SLC26A8: variants seen among roughly 807,000 people sequenced by gnomAD.
SLC26A8 encodes the protein solute carrier family 26 member 8.
Under a neutral mutation model 105.0 loss-of-function variants are expected in SLC26A8, and 70 were observed. The ratio of observed to expected loss-of-function variants is 0.67; its 90% confidence interval spans 0.55 to 0.81. The LOEUF is 0.81. Among genes scored for constraint, SLC26A8 ranks in the 40% least tolerant of loss-of-function variants. The pLI, the probability that SLC26A8 is intolerant of heterozygous loss-of-function variation, is 0.00. For synonymous variants in SLC26A8, 415 were observed against 438.3 expected (o/e 0.95, Z 0.66); for missense variants, 998 against 1,181.8 (o/e 0.84, Z 2.28).
At chr6:36,007,175 A>C (rs558511568) in intron 3 of SLC26A8, among the ~76,000 whole-genome samples, 35 of 102,208 alleles carry the variant, frequency 3.4e-4, no homozygotes, top group African/African-American at 1.0e-3. Flanking sequence ...CATTCATATT[A>C]AAAAGATAAA....
chr6:35,983,953 T>G (rs1474551905), intron 7 of SLC26A8, among the ~76,000 whole-genome samples: 2 of 152,192 alleles, frequency 1.3e-5, no homozygotes, highest in Non-Finnish European at 2.9e-5. Context: ...AAAGGCATTT[T>G]AGACCCTAGA....
In SLC26A8 at chr6:35,955,463, G is replaced by A. The variant is rs369044774; in HGVS notation, c.1921C>T (p.Leu641=). The A allele has an allele frequency of 4.9e-5, 79 of 1,614,040 alleles. No individual in the cohort carries two copies. In the Middle Eastern group the frequency reaches 1.3e-3, roughly 27 times the overall value. Residue 641 remains leucine (L), a synonymous_variant, in exon 17 of 20, where the codon CTG becomes TTG. Transcript: ENST00000490799. ...KLDPEASSIN[L]IHCSHFESMN... ...CTCTCAAAATGTGAGCAGTGAATCA[G>A]GTTAATGGAGGATGCTTCGGGATCC... is the stretch of plus-strand genomic sequence containing the variant.
intron 18 of SLC26A8, 39 bp downstream of exon 18, chr6:35,951,406 G>C (rs761860267): frequency 1.2e-5 from 20 of 1,613,932 alleles, no homozygotes; most frequent in Non-Finnish European, 1.7e-5. Flanking sequence ...GAGGACCCAG[G>C]GTGCAAAACA....
chr6:36,017,212 G>GGAAGGAC (rs1762017917), intron 2 of SLC26A8, among the ~76,000 whole-genome samples: 1 of 83,892 alleles, frequency 1.2e-5, no homozygotes, highest in Non-Finnish European at 2.4e-5. Context: ...GAAGGAAGGA[G>GGAAGGAC]AAAAGAAAAG....
chr6:35,958,620 C>T lies in SLC26A8; in HGVS notation c.1863+840G>A, dbSNP rs540495530. On this transcript the variant is annotated intron_variant, in intron 16 of 19. Coordinates refer to ENST00000490799, the MANE Select transcript of SLC26A8 (RefSeq NM_052961.4). Reference sequence around the variant, plus strand: ...CCTGGCCAACATGGTGAAACCCCTTCTCAGTAGCTCAGTGGAACCTATGCT... The same window carrying T: ...CCTGGCCAACATGGTGAAACCCCTTTTCAGTAGCTCAGTGGAACCTATGCT... Among the ~76,000 whole-genome samples the T allele has an allele frequency of 1.4e-4, 22 of 152,282 alleles. No homozygotes were observed. In the South Asian group the frequency reaches 4.3e-3, roughly 30 times the overall value.
Position 35,968,609 on chromosome 6 carries a change from G to GTA in SLC26A8, c.1365+266_1365+267dup, listed in dbSNP as rs55987809. Among the ~76,000 whole-genome samples, 264 of 59,980 alleles carry GTA rather than the reference G, an allele frequency of 4.4e-3. 1 individual carries two copies. The highest frequency in any genetic ancestry group is 0.018 in the East Asian group (25 of 1,380). The allele number at this position is 59,980 out of a possible 152,430, so 39.3% of individuals were successfully genotyped here. ...TGTGTATGTGTGTGTGTGTGTGTGTGTATATATATATATATATATATATAT... is the reference window on the plus strand; with the variant it reads ...TGTGTATGTGTGTGTGTGTGTGTGTGTATATATATATATATATATATATATAT... On this transcript the variant is annotated intron_variant, in intron 11 of 19. Coordinates refer to ENST00000490799, the MANE Select transcript of SLC26A8 (RefSeq NM_052961.4).
At position 35,976,550 on chromosome 6, in the gene SLC26A8, C is replaced by CTTTTTTTTT. The variant is rs371327114; in HGVS notation, c.1173+645_1173+653dup. ...AACTGTATGGTATTAGAAGCCCTCG[C>CTTTTTTTTT]TTTTTTTTTTTTTTTTTTGAGATGG... On this transcript the variant is annotated intron_variant, in intron 9 of 19. Transcript: ENST00000490799. Among the ~76,000 whole-genome samples the CTTTTTTTTT allele has an allele frequency of 1.6e-3, 213 of 130,120 alleles. 9 individuals are homozygous for CTTTTTTTTT. The highest frequency in any genetic ancestry group is 5.8e-3 in the African/African-American group (192 of 33,126). The allele number at this position is 130,120 out of a possible 152,430, so 85.4% of individuals were successfully genotyped here.
chr6:35,981,712 T>C lies in SLC26A8; in HGVS notation c.1025+409A>G, dbSNP rs1773272984. Among the ~76,000 whole-genome samples the C allele has an allele frequency of 6.6e-6, 1 of 152,084 alleles. No homozygotes were observed. The highest frequency in any genetic ancestry group is 6.6e-5 in the Admixed American group (1 of 15,252). The stretch of plus-strand genomic sequence containing the variant: ...AGGGCATCTATTTAGTCTAAGTTTG[T>C]GAAGGCAAAAGGAACGTTCATCTTC... On this transcript the variant is annotated intron_variant, in intron 8 of 19. Transcript: ENST00000490799. This position sits in a 1 kb window ranked among gnomAD's most constrained non-coding sequence, Gnocchi z 4.0.
rs376253264 is a variant in SLC26A8 at position 35,959,469 on chromosome 6, C to T, written c.1854G>A (p.Pro618=). The change falls in exon 16 of 20, where the codon CCG becomes CCA. Residue 618 remains proline (P), a synonymous_variant. Coordinates refer to ENST00000490799, the MANE Select transcript of SLC26A8 (RefSeq NM_052961.4). ...RCFCNCDDLE[P]LPRILYTERF... is the part of the protein sequence containing the mutation. ...AAAAGGCATTTCTAACCCTGGGCAGCGGCTCCAGATCATCACAGTTGCAGA... is the reference window on the plus strand; with the variant it reads ...AAAAGGCATTTCTAACCCTGGGCAGTGGCTCCAGATCATCACAGTTGCAGA... 9.3e-6 allele frequency: 15 copies of T among 1,608,796 alleles called. No individual in the cohort carries two copies. Among genetic ancestry groups the T allele is most frequent in the African/African-American group, 2.7e-5 (2 of 74,506 alleles).
chr6:35,999,540 T>G (rs186022470), intron 4 of SLC26A8, among the ~76,000 whole-genome samples: 35 of 152,350 alleles, frequency 2.3e-4, no homozygotes, highest in African/African-American at 7.2e-4. Flanking sequence ...GAAGTACTTA[T>G]CCTATGGATG....
At chr6:35,983,735 A>T (rs1354223924) in intron 7 of SLC26A8, among the ~76,000 whole-genome samples, 1 of 151,896 alleles carries the variant, frequency 6.6e-6, no homozygotes, top group Non-Finnish European at 1.5e-5. Context: ...GTATTTTTTT[A>T]GTAGAGATGG....
intron 8 of SLC26A8, among the ~76,000 whole-genome samples, chr6:35,980,748 C>T (rs1773234632): frequency 6.6e-6 from 1 of 152,188 alleles, no homozygotes; most frequent in South Asian, 2.1e-4. Context: ...TGTGGTGACT[C>T]ACGCCTGTAA....
chr6:36,001,922 C>T (rs1761534884), intron 3 of SLC26A8, among the ~76,000 whole-genome samples: 1 of 152,122 alleles, frequency 6.6e-6, no homozygotes, highest in Admixed American at 6.6e-5. Flanking sequence ...CGAGAGACCT[C>T]GAACCAGAGG....
chr6:35,988,846 T>G (rs895440432), intron 7 of SLC26A8, among the ~76,000 whole-genome samples: 9 of 149,778 alleles, frequency 6.0e-5, no homozygotes, highest in Non-Finnish European at 5.9e-5. Context: ...ATACGGTTTT[T>G]TTTTTTTTTT....
At chr6:35,985,837 C>T (rs1773498069) in intron 7 of SLC26A8, among the ~76,000 whole-genome samples, 2 of 151,304 alleles carry the variant, frequency 1.3e-5, no homozygotes, top group African/African-American at 4.9e-5. Context: ...ACCCTACAAA[C>T]TCCATATACA....
Position 35,944,015 on chromosome 6 carries a change from T to C in SLC26A8, c.2798A>G (p.His933Arg), listed in dbSNP as rs749523584. The change falls in exon 20 of 20, where the codon CAT becomes CGT. Residue 933 changes from histidine to arginine, a missense_variant. His to Arg is a conservative substitution (Grantham distance 29). Transcript: ENST00000490799. Reference protein sequence around the residue: ...FPQQRYWPMYHPSMASTQSQT... With the variant: ...FPQQRYWPMYRPSMASTQSQT... The stretch of plus-strand genomic sequence containing the variant: ...AGACTGGGTGGAAGCCATAGACGGA[T>C]GATACATAGGCCAGTAACGCTGCTG... 6.2e-7 allele frequency: 1 copy of C among 1,614,064 alleles called. No homozygotes were observed. Among genetic ancestry groups the C allele is most frequent in the Non-Finnish European group, 8.5e-7 (1 of 1,179,974 alleles).
chr6:35,972,433 G>T (rs1772834371), intron 10 of SLC26A8, among the ~76,000 whole-genome samples: 1 of 151,904 alleles, frequency 6.6e-6, no homozygotes, highest in Non-Finnish European at 1.5e-5. Flanking sequence ...GAGATAAGAG[G>T]TGGAGAGAAA....
At chr6:36,011,029 C>T (rs1396423711) in intron 3 of SLC26A8, among the ~76,000 whole-genome samples, 1 of 152,206 alleles carries the variant, frequency 6.6e-6, no homozygotes, top group East Asian at 1.9e-4. Context: ...TTTGTGCTAT[C>T]CACAACCTGC....
At chr6:36,013,659 C>G (rs1007904803) in intron 2 of SLC26A8, among the ~76,000 whole-genome samples, 2 of 152,114 alleles carry the variant, frequency 1.3e-5, no homozygotes, top group African/African-American at 4.8e-5. Flanking sequence ...ATTAATCAAC[C>G]AAGAAAACCA....
Sources: gnomAD v4.1 joint callset for allele counts (sites outside exome capture counted in the v4.1 genomes callset) on GRCh38, gnomAD v4.1.1 for gene constraint, Gnocchi (gnomAD v3.1) non-coding constraint, MANE v1.5 for transcripts, NCBI Gene and HGNC (gene_info 2026-07-23, HGNC 2026-07-21) for gene names.